The following SPTBN5 variants were observed in gnomAD, a reference collection of about 807,000 sequenced individuals.
SPTBN5 encodes spectrin beta, non-erythrocytic 5, also known as spectrin beta chain, non-erythrocytic 5.
A neutral mutation model predicts 477.6 loss-of-function variants in SPTBN5; 513 were observed. The observed-to-expected ratio is 1.07, with a 90% CI of 1.00 to 1.16. SPTBN5 has a LOEUF of 1.16. SPTBN5 is among the 50% of genes most tolerant of loss of function. The pLI is 0.00. For synonymous variants in SPTBN5, 2,169 were observed against 2,011.7 expected (o/e 1.08, Z -2.09); for missense variants, 5,062 against 4,731.8 (o/e 1.07, Z -2.05).
chr15:41,874,940 G>T lies in SPTBN5; in HGVS notation c.4404C>A (p.Ser1468Arg). The T allele has an allele frequency of 1.2e-6, 2 of 1,613,504 alleles. No homozygotes were observed. Among genetic ancestry groups the T allele is most frequent in the South Asian group, 1.1e-5 (1 of 91,080 alleles). Residue 1468 changes from serine (S) to arginine (R), a missense_variant, in exon 23 of 68, where the codon AGC becomes AGA. Transcript: ENST00000320955. ...QKRHQQLESE[S>R]RTLAAKMAAL... ...CAGCCATCTTGGCAGCCAGGGTCCG[G>T]CTCTCACTCTCCAGCTGTTGGTGCC...
In SPTBN5 at chr15:41,862,186, C is replaced by T. The variant is rs534052311; in HGVS notation, c.7492G>A (p.Ala2498Thr). The T allele has an allele frequency of 2.7e-5, 43 of 1,608,686 alleles. No individual in the cohort carries two copies. The highest frequency in any genetic ancestry group is 1.0e-4 in the Admixed American group (6 of 59,640). Residue 2498 changes from alanine (A) to threonine (T), a missense_variant, in exon 44 of 68, where the codon GCT becomes ACT. Transcript: ENST00000320955. ...RLRAQMDTSPAPRSPVEARRM... is the reference protein window; with the variant it reads ...RLRAQMDTSPTPRSPVEARRM... The stretch of plus-strand genomic sequence containing the variant: ...CGGGCTTCCACAGGGCTGCGAGGAG[C>T]GGGGCTCGTGTCCATCTGAGCCCGC...
In SPTBN5 at chr15:41,875,619, C is replaced by T; in HGVS notation, c.4126G>A (p.Gly1376Arg). 1 of 1,584,384 alleles carries T rather than the reference C, an allele frequency of 6.3e-7. No individual in the cohort carries two copies. Among genetic ancestry groups the T allele is most frequent in the East Asian group, 2.3e-5 (1 of 43,484 alleles). Reference sequence around the variant, plus strand: ...GGCCTCCTACTCAACAGCTCTCTCCCAACCTGGAGTGGAGATAAAGGCCCA... The same window carrying T: ...GGCCTCCTACTCAACAGCTCTCTCCTAACCTGGAGTGGAGATAAAGGCCCA... ...RRHVEALQQV[G>R]RELLSRRPCG... The change falls in exon 22 of 68, where the codon GGG (glycine) becomes AGG (arginine). Residue 1376 changes from glycine (G) to arginine (R), a missense_variant. Transcript: ENST00000320955.
rs542603385 is a variant in SPTBN5 at position 41,853,307 on chromosome 15, C to T, written c.10121G>A (p.Arg3374Gln). ...RECRLQAQDL[R>Q]QEGQQLVDNS... Reference sequence around the variant, plus strand: ...GTCCACCAGCTGCTGTCCTTCCTGCCGCAGGTCCTGGGCTTGAAGGCGGCA... The same window carrying T: ...GTCCACCAGCTGCTGTCCTTCCTGCTGCAGGTCCTGGGCTTGAAGGCGGCA... Residue 3374 changes from arginine to glutamine, a missense_variant, in exon 59 of 68, where the codon CGG becomes CAG. Coordinates refer to ENST00000320955, the MANE Select transcript of SPTBN5 (RefSeq NM_016642.4). 2.9e-5 allele frequency: 46 copies of T among 1,611,986 alleles called. No homozygotes were observed. The highest frequency in any genetic ancestry group is 2.5e-4 in the South Asian group (23 of 91,018).
chr15:41,850,680 T>C, intron 66 of SPTBN5, 174 bp downstream of exon 66: 1 of 622,522 alleles, frequency 1.6e-6, no homozygotes, highest in Non-Finnish European at 2.8e-6. Context: ...CTTGGGCAAG[T>C]TGCGTAACCT....
At chr15:41,871,283 C>G in intron 29 of SPTBN5, 92 bp downstream of exon 29, 1 of 1,308,904 alleles carries the variant, frequency 7.6e-7, no homozygotes, top group Non-Finnish European at 9.8e-7. Context: ...GTGTGGCCCT[C>G]ACAGCATGCC....
At position 41,862,302 on chromosome 15, in the gene SPTBN5, G is replaced by T; in HGVS notation, c.7386-10C>A. 6.3e-7 allele frequency: 1 copy of T among 1,583,632 alleles called. No individual in the cohort carries two copies. On this transcript the variant is annotated splice_polypyrimidine_tract_variant and intron_variant, in intron 43 of 67. Coordinates refer to ENST00000320955, the MANE Select transcript of SPTBN5 (RefSeq NM_016642.4). ...ATCCAGCGCCTCCCTCCTGCCCACA[G>T]CGCTCATCAGCTAGTCGTCAGGCCT... is the stretch of plus-strand genomic sequence containing the variant.
chr15:41,866,004 C>G (rs1345824926), intron 38 of SPTBN5, 34 bp downstream of exon 38: 6 of 1,548,402 alleles, frequency 3.9e-6, no homozygotes, highest in Middle Eastern at 1.7e-4. Flanking sequence ...GCTCCTCCCC[C>G]CATCTCTCAG....
At position 41,874,576 on chromosome 15, in the gene SPTBN5, A is replaced by G. The variant is rs1240156214; in HGVS notation, c.4503-98T>C. ...CAAGCCAGGGCCCGTGAAGAACAAGACCAGGGAATAGAGCAAAGCCTCATC... is the reference window on the plus strand; with the variant it reads ...CAAGCCAGGGCCCGTGAAGAACAAGGCCAGGGAATAGAGCAAAGCCTCATC... On this transcript the variant is annotated intron_variant, in intron 23 of 67. Coordinates refer to ENST00000320955, the MANE Select transcript of SPTBN5 (RefSeq NM_016642.4). 10 of 1,087,886 alleles carry G rather than the reference A, an allele frequency of 9.2e-6. No individual in the cohort carries two copies. The Admixed American group carries it at 2.8e-4, about 31-fold the overall frequency. 67.4% of individuals were successfully genotyped at this position (1,087,886 alleles called of 1,614,324 possible). A position where few individuals can be genotyped will look rare whatever the true frequency, so the allele number is the denominator to read the frequency against.
chr15:41,851,821 C>T lies in SPTBN5; in HGVS notation c.10614G>A (p.Gly3538=). 6.2e-7 allele frequency: 1 copy of T among 1,610,998 alleles called. No individual in the cohort carries two copies. Among genetic ancestry groups the T allele is most frequent in the Non-Finnish European group, 8.5e-7 (1 of 1,179,624 alleles). ...QDAKGTPTME[G]SLEFKQHLLP... ...GCAGGTGCTGCTTGAACTCCAAAGA[C>T]CCCTCCATGGTGGGGGTACCCTTTG... The change falls in exon 63 of 68, where the codon GGG becomes GGA. Residue 3538 remains glycine, a synonymous_variant. Transcript: ENST00000320955.
chr15:41,873,415 G>A (rs1336762615), intron 26 of SPTBN5, 77 bp downstream of exon 26: 4 of 1,106,762 alleles, frequency 3.6e-6, no homozygotes, highest in South Asian at 1.4e-5. Context: ...GCCTCTGAGA[G>A]AGGGAGGGTG....
Position 41,876,656 on chromosome 15 carries a change from CGGG to C in SPTBN5, c.3852-12_3852-10del. The C allele has an allele frequency of 1.4e-6, 1 of 703,346 alleles. No homozygotes were observed. The highest frequency in any genetic ancestry group is 2.2e-6 in the Non-Finnish European group (1 of 455,572). The allele number at this position is 703,346 out of a possible 1,614,324, so 43.6% of individuals were successfully genotyped here. A position where few individuals can be genotyped will look rare whatever the true frequency, so the allele number is the denominator to read the frequency against. On this transcript the variant is annotated splice_polypyrimidine_tract_variant and intron_variant, in intron 19 of 67. Coordinates refer to ENST00000320955, the MANE Select transcript of SPTBN5 (RefSeq NM_016642.4). ...GCAGCTGCTCTCTGACCCTGGAGGGCGGGGGGGGGTTGGAGGAGGGCATGGGAG... is the reference window on the plus strand; with the variant it reads ...GCAGCTGCTCTCTGACCCTGGAGGGCGGGGGGTTGGAGGAGGGCATGGGAG...
chr15:41,879,539 C>A lies in SPTBN5; in HGVS notation c.2943-40G>T, dbSNP rs550950324. 1.1e-4 allele frequency: 167 copies of A among 1,523,914 alleles called. 3 individuals are homozygous for A. The South Asian group carries it at 1.9e-3, about 17-fold the overall frequency. 94.4% of individuals were successfully genotyped at this position (1,523,914 alleles called of 1,614,324 possible). A position where few individuals can be genotyped will look rare whatever the true frequency, so the allele number is the denominator to read the frequency against. On this transcript the variant is annotated intron_variant, in intron 15 of 67. Transcript: ENST00000320955. ...CAAGGTTGTCTCCACAACAGGGACACCTCCCCATCCATCCGGGAGCCTTGG... is the reference window on the plus strand; with the variant it reads ...CAAGGTTGTCTCCACAACAGGGACAACTCCCCATCCATCCGGGAGCCTTGG...
chr15:41,860,497 G>T, intron 47 of SPTBN5, 89 bp downstream of exon 47: 1 of 1,291,816 alleles, frequency 7.7e-7, no homozygotes, highest in Non-Finnish European at 9.9e-7. Flanking sequence ...CCTGGGCCAA[G>T]TAGTGGAAGG....
At position 41,853,167 on chromosome 15, in the gene SPTBN5, G is replaced by T. The variant is rs1035823447; in HGVS notation, c.10170+91C>A. 6.6e-6 allele frequency: 10 copies of T among 1,507,648 alleles called. No homozygotes were observed. In the Admixed American group the frequency reaches 2.1e-4, roughly 32 times the overall value. The allele number at this position is 1,507,648 out of a possible 1,614,324, so 93.4% of individuals were successfully genotyped here. A position where few individuals can be genotyped will look rare whatever the true frequency, so the allele number is the denominator to read the frequency against. Reference sequence around the variant, plus strand: ...TGCCTGCGCCCAGCCTTCCTTTCCTGCTGGTTTCCATGCCTGTGAGGGGCC... The same window carrying T: ...TGCCTGCGCCCAGCCTTCCTTTCCTTCTGGTTTCCATGCCTGTGAGGGGCC... On this transcript the variant is annotated intron_variant, in intron 59 of 67. Transcript: ENST00000320955.
intron 32 of SPTBN5, 44 bp from the exon 33 acceptor site, chr15:41,868,645 T>TGGGCA: frequency 1.1e-5 from 17 of 1,576,362 alleles, no homozygotes; most frequent in Non-Finnish European, 1.3e-5. Context: ...AGGGCTGGGC[T>TGGGCA]GGGCAGCAGG....
chr15:41,869,705 CGT>C, intron 32 of SPTBN5, 134 bp downstream of exon 32: 1 of 920,646 alleles, frequency 1.1e-6, no homozygotes, highest in Non-Finnish European at 1.5e-6. Flanking sequence ...ACTGACATCC[CGT>C]GTGCTCGTGC....
intron 67 of SPTBN5, 150 bp downstream of exon 67, chr15:41,849,719 G>A (rs1304699687): frequency 3.1e-6 from 2 of 640,414 alleles, no homozygotes; most frequent in Non-Finnish European, 5.5e-6. Flanking sequence ...AGCTGAGAGT[G>A]GGCAGGGGCA....
At chr15:41,852,005 T>G (rs1321920735) in intron 62 of SPTBN5, 155 bp from the exon 63 acceptor site, 3 of 913,540 alleles carry the variant, frequency 3.3e-6, no homozygotes, top group Non-Finnish European at 5.0e-6. Context: ...AGATCGGGCA[T>G]GTTCAGGGTG....
intron 16 of SPTBN5, 87 bp from the exon 17 acceptor site, chr15:41,878,716 C>A: frequency 7.0e-7 from 1 of 1,423,660 alleles, no homozygotes; most frequent in Non-Finnish European, 9.4e-7. Flanking sequence ...CCTGCATCCC[C>A]CAGGGAGAGT....
Sources: gnomAD v4.1 joint callset for allele counts on GRCh38, gnomAD v4.1.1 for gene constraint, MANE v1.5 for transcripts, NCBI Gene and HGNC (gene_info 2026-07-23, HGNC 2026-07-21) for gene names.